Variants in PPP1CB observed in about 807,000 individuals in gnomAD.
PPP1CB encodes the protein serine/threonine-protein phosphatase PP1-beta catalytic subunit.
In PPP1CB, 2 loss-of-function variants were observed where a neutral mutation model predicts 43.7. The observed-to-expected ratio is 0.05, with a 90% CI of 0.02 to 0.14. The LOEUF (loss-of-function observed/expected upper bound fraction) is 0.14. PPP1CB is among the 10% of genes least tolerant of loss of function. PPP1CB has a pLI of 1.00. For missense variants in PPP1CB, 84 were observed against 398.0 expected (o/e 0.21, Z 6.71); for synonymous variants, 136 against 135.6 (o/e 1.00, Z -0.02).
intron 1 of PPP1CB, among the ~76,000 whole-genome samples, chr2:28,756,937 A>T (rs1666502598): frequency 6.6e-6 from 1 of 152,212 alleles, no homozygotes; most frequent in African/African-American, 2.4e-5. Flanking sequence ...AGAGGATATG[A>T]TTTTTAGTAT....
chr2:28,775,407 C>G (rs1667015896), intron 1 of PPP1CB, among the ~76,000 whole-genome samples: 1 of 152,232 alleles, frequency 6.6e-6, no homozygotes, highest in African/African-American at 2.4e-5. Context: ...CCGTGCCCGG[C>G]CTTTATTTTT....
intron 1 of PPP1CB, among the ~76,000 whole-genome samples, chr2:28,764,147 A>G (rs1030705405): frequency 2.0e-5 from 3 of 151,974 alleles, no homozygotes; most frequent in East Asian, 3.9e-4. Context: ...GGGAGAAGAA[A>G]AGCAAGAGAG....
intron 4 of PPP1CB, chr2:28,782,423 C>G (rs1667174489): frequency 6.5e-6 from 1 of 152,684 alleles, no homozygotes; most frequent in African/African-American, 2.4e-5. Flanking sequence ...AGTTAAAAAC[C>G]TGTTGCTAAG....
intron 1 of PPP1CB, among the ~76,000 whole-genome samples, chr2:28,765,756 A>G (rs1666765444): frequency 1.3e-5 from 2 of 152,184 alleles, no homozygotes; most frequent in Admixed American, 6.5e-5. Flanking sequence ...GTCTTTATAG[A>G]AAATTAAATT....
At chr2:28,794,883 A>G (rs1376636704) in intron 7 of PPP1CB, among the ~76,000 whole-genome samples, 1 of 152,080 alleles carries the variant, frequency 6.6e-6, no homozygotes, top group Non-Finnish European at 1.5e-5. Context: ...TTCAGGGGTT[A>G]CATGTGCAGG....
At chr2:28,762,118 C>T (rs1386605738) in intron 1 of PPP1CB, among the ~76,000 whole-genome samples, 19 of 152,082 alleles carry the variant, frequency 1.2e-4, no homozygotes, top group Admixed American at 1.2e-3. Context: ...AACCCCATCT[C>T]CTAAAAATAT....
chr2:28,784,143 T>A (rs1328114768), intron 5 of PPP1CB, among the ~76,000 whole-genome samples, 165 bp downstream of exon 5: 1 of 152,244 alleles, frequency 6.6e-6, no homozygotes, highest in Non-Finnish European at 1.5e-5. Context: ...ACACAATTTT[T>A]CACTTTGCAC....
At chr2:28,756,215 A>G (rs1344793625) in intron 1 of PPP1CB, among the ~76,000 whole-genome samples, 1 of 152,234 alleles carries the variant, frequency 6.6e-6, no homozygotes, top group Non-Finnish European at 1.5e-5. Flanking sequence ...ACATATTACC[A>G]CGAAGCTGAA....
At position 28,800,223 on chromosome 2, in the gene PPP1CB, T is replaced by TTTC; in HGVS notation, c.*923_*925dup. ...GCATTGGTTTTCTTTTTCTTTTTTCTTTCTTTTTTTTTTTTTTTTTTTTTT... is the reference window on the plus strand; with the variant it reads ...GCATTGGTTTTCTTTTTCTTTTTTCTTTCTTCTTTTTTTTTTTTTTTTTTTTTT... On this transcript the variant is annotated 3_prime_UTR_variant, in exon 8 of 8. Transcript: ENST00000395366. 1 of 105,828 alleles carries TTTC rather than the reference T, an allele frequency of 9.4e-6. No individual in the cohort carries two copies. Among genetic ancestry groups the TTTC allele is most frequent in the African/African-American group, 3.5e-5 (1 of 28,962 alleles). The allele number at this position is 105,828 out of a possible 1,614,324, so 6.6% of individuals were successfully genotyped here.
chr2:28,798,081 G>A (rs1667534413), intron 7 of PPP1CB, among the ~76,000 whole-genome samples: 1 of 152,052 alleles, frequency 6.6e-6, no homozygotes, highest in Admixed American at 6.6e-5. Flanking sequence ...AGTGGTGTTG[G>A]ATTAATATAT....
chr2:28,775,642 G>A (rs1162587712), intron 1 of PPP1CB, among the ~76,000 whole-genome samples: 3 of 152,156 alleles, frequency 2.0e-5, no homozygotes, highest in Non-Finnish European at 4.4e-5. Flanking sequence ...CCCCTAAAGT[G>A]CTGGGATTAC....
At chr2:28,785,534 T>C (rs115665906) in intron 5 of PPP1CB, among the ~76,000 whole-genome samples, 179 of 152,286 alleles carry the variant, frequency 1.2e-3, no homozygotes, top group African/African-American at 4.1e-3. Context: ...TTTTTAGGCC[T>C]GGTGCACTAG....
At chr2:28,761,836 G>C (rs538470614) in intron 1 of PPP1CB, among the ~76,000 whole-genome samples, 2 of 152,258 alleles carry the variant, frequency 1.3e-5, no homozygotes, top group South Asian at 2.1e-4. Flanking sequence ...GCTTGCTTTT[G>C]GCCAGGAACT....
chr2:28,756,333 G>A (rs1026813120), intron 1 of PPP1CB, among the ~76,000 whole-genome samples: 1 of 152,148 alleles, frequency 6.6e-6, no homozygotes, highest in Non-Finnish European at 1.5e-5. Context: ...TGAAAATCGT[G>A]GGATGTGTTT....
intron 1 of PPP1CB, 95 bp downstream of exon 1, chr2:28,752,271 T>C: frequency 1.7e-6 from 2 of 1,167,374 alleles, no homozygotes; most frequent in South Asian, 3.0e-5. Context: ...GGGACCCCTT[T>C]CCCGCCCCGA....
intron 1 of PPP1CB, among the ~76,000 whole-genome samples, chr2:28,753,854 C>T (rs1328124712): frequency 1.3e-5 from 2 of 152,120 alleles, no homozygotes; most frequent in African/African-American, 4.8e-5. Flanking sequence ...CCGCCTCAGC[C>T]TCCTGAGTAG....
chr2:28,773,909 T>TG (rs373316768), intron 1 of PPP1CB, among the ~76,000 whole-genome samples: 165 of 151,702 alleles, frequency 1.1e-3, no homozygotes, highest in East Asian at 2.3e-3. Flanking sequence ...ACTAAGTTGG[T>TG]GGGGGGGGCT....
At chr2:28,763,210 T>C (rs1298155573) in intron 1 of PPP1CB, among the ~76,000 whole-genome samples, 1 of 152,220 alleles carries the variant, frequency 6.6e-6, no homozygotes, top group Non-Finnish European at 1.5e-5. Context: ...TTTTATCATG[T>C]AGATTATTAA....
intron 1 of PPP1CB, 110 bp downstream of exon 1, chr2:28,752,286 A>T (rs760535892): frequency 9.8e-7 from 1 of 1,022,038 alleles, no homozygotes; most frequent in Non-Finnish European, 1.4e-6. Flanking sequence ...CCCCGAGACG[A>T]GTCTCTGGGA....
Sources: gnomAD v4.1 joint callset for allele counts (sites outside exome capture counted in the v4.1 genomes callset) on GRCh38, gnomAD v4.1.1 for gene constraint, MANE v1.5 for transcripts, NCBI Gene and HGNC (gene_info 2026-07-23, HGNC 2026-07-21) for gene names.